NFRKB: variants seen among roughly 807,000 people sequenced by gnomAD.
NFRKB encodes the protein nuclear factor related to kappa-B-binding protein.
Under a neutral mutation model 135.7 loss-of-function variants are expected in NFRKB, and 62 were observed. The observed-to-expected ratio is 0.46, with a 90% CI of 0.37 to 0.56. The LOEUF (loss-of-function observed/expected upper bound fraction) is 0.56. Among genes scored for constraint, NFRKB ranks in the 20% least tolerant of loss-of-function variants. The pLI is 0.00. For missense variants in NFRKB, 1,545 were observed against 1,662.0 expected, an observed-to-expected ratio of 0.93 and a Z score of 1.22; for synonymous variants, 678 against 635.6, an observed-to-expected ratio of 1.07 and a Z score of -1.00.
chr11:129,891,418 T>C (rs151323161), intron 3 of NFRKB, among the ~76,000 whole-genome samples: 35 of 152,328 alleles, frequency 2.3e-4, no homozygotes, highest in Middle Eastern at 3.4e-3. Flanking sequence ...TCTGGACATT[T>C]ACTCATCTGA....
At position 129,892,845 on chromosome 11, in the gene NFRKB, T is replaced by A. The variant is rs1424031688; in HGVS notation, c.5A>T (p.Asp2Val). 6.2e-7 allele frequency: 1 copy of A among 1,614,166 alleles called. No individual in the cohort carries two copies. The highest frequency in any genetic ancestry group is 8.5e-7 in the Non-Finnish European group (1 of 1,180,034). ...ATCTGTCAGCATATGGTCTAAGGAATCCATTGTTTCTTCTCCACAGGTACT... is the reference window on the plus strand; with the variant it reads ...ATCTGTCAGCATATGGTCTAAGGAAACCATTGTTTCTTCTCCACAGGTACT... Reference protein sequence around the residue: MDSLDHMLTDPL... With the variant: MVSLDHMLTDPL... Residue 2 changes from aspartate (D) to valine (V), a missense_variant, in exon 3 of 27, where the codon GAT (aspartate) becomes GTT (valine). By Grantham distance (152) the Asp-to-Val change is radical (BLOSUM62 -3). Around this residue, in one of 3 missense-constraint regions of NFRKB, gnomAD observed 678 missense variants for 646.7 expected, o/e 1.05. Transcript: ENST00000682444.
intron 12 of NFRKB, 95 bp downstream of exon 12, chr11:129,881,632 C>A (rs997399459): frequency 1.3e-6 from 2 of 1,585,864 alleles, no homozygotes. Context: ...TATGCAAAGG[C>A]ATGATGGATT....
In NFRKB at chr11:129,888,601, A is replaced by C. The variant is rs751878478; in HGVS notation, c.330T>G (p.Leu110=). 11 of 1,614,042 alleles carry C rather than the reference A, an allele frequency of 6.8e-6. No individual in the cohort carries two copies. Among genetic ancestry groups the C allele is most frequent in the Admixed American group, 1.7e-5 (1 of 59,998 alleles). Residue 110 remains leucine (L), a synonymous_variant, in exon 4 of 27, where the codon CTT becomes CTG. Coordinates refer to ENST00000682444, the MANE Select transcript of NFRKB (RefSeq NM_001143835.2). The part of the protein sequence containing the change: ...FGNPLHIAQK[L]FRDGHFNPEV... The stretch of plus-strand genomic sequence containing the variant: ...GAATACTGAGCTACAAACCTCGGAA[A>C]AGCTTCTGGGCAATGTGCAGAGGGT...
Position 129,869,839 on chromosome 11 carries a change from T to C in NFRKB, c.3186A>G (p.Pro1062=). 6.2e-7 allele frequency: 1 copy of C among 1,614,242 alleles called. No homozygotes were observed. The highest frequency in any genetic ancestry group is 8.5e-7 in the Non-Finnish European group (1 of 1,180,054). The change falls in exon 24 of 27, where the codon CCA becomes CCG. Residue 1062 remains proline (P), a synonymous_variant. Transcript: ENST00000682444. ...EASSSAFRLM[P]ALGVSVADQK... Reference sequence around the variant, plus strand: ...GGTCAGCCACACTCACGCCAAGAGCTGGCATCAAGCGAAAAGCCGAACTTG... The same window carrying C: ...GGTCAGCCACACTCACGCCAAGAGCCGGCATCAAGCGAAAAGCCGAACTTG...
chr11:129,888,223 A>AAC (rs143981235), intron 4 of NFRKB: 160,154 of 519,586 alleles, frequency 0.31, 21,759 homozygotes, highest in Non-Finnish European at 0.36. Flanking sequence ...TGTGTACCTA[A>AAC]ACACACACAC....
Position 129,892,911 on chromosome 11 carries a change from T to G in NFRKB, c.-21-41A>C, listed in dbSNP as rs752543157. ...CATCTTGAGACAGAAAGGCAGAAAT[T>G]CCAGGGATCTAGTTGATGCTAACAC... On this transcript the variant is annotated intron_variant, in intron 2 of 26. Coordinates refer to ENST00000682444, the MANE Select transcript of NFRKB (RefSeq NM_001143835.2). 3.7e-6 allele frequency: 6 copies of G among 1,613,362 alleles called. No homozygotes were observed. In the South Asian group the frequency reaches 5.5e-5, roughly 15 times the overall value.
chr11:129,884,241 G>A (rs1722469306), intron 7 of NFRKB, 98 bp from the exon 8 acceptor site: 1 of 1,257,932 alleles, frequency 7.9e-7, no homozygotes. Context: ...TTTCCCTTCT[G>A]ACACCTGTGA....
intron 24 of NFRKB, among the ~76,000 whole-genome samples, chr11:129,867,613 G>A (rs1253927060): frequency 1.3e-5 from 2 of 152,176 alleles, no homozygotes; most frequent in Admixed American, 6.5e-5. Flanking sequence ...CACTGCGCCT[G>A]ACCAACTATT....
chr11:129,864,991 AGCT>A lies in NFRKB; in HGVS notation c.3746_3748del (p.Gln1249del). ...CTGTGTGGCCTGACCTTGCTGCTGA[AGCT>A]GCTGCAACTGCTGAGCAGTGAGGAA... On this transcript the variant is annotated inframe_deletion, in exon 26 of 27. Transcript: ENST00000682444. 6.2e-7 allele frequency: 1 copy of A among 1,613,378 alleles called. No individual in the cohort carries two copies. Among genetic ancestry groups the A allele is most frequent in the Non-Finnish European group, 8.5e-7 (1 of 1,179,878 alleles).
chr11:129,890,073 G>T (rs570141680), intron 3 of NFRKB, among the ~76,000 whole-genome samples: 6 of 146,390 alleles, frequency 4.1e-5, no homozygotes, highest in African/African-American at 1.5e-4. Context: ...TATTTGGCTA[G>T]ATCAAGGACA....
Position 129,869,604 on chromosome 11 carries a change from T to C in NFRKB, c.3421A>G (p.Thr1141Ala). 6.2e-7 allele frequency: 1 copy of C among 1,614,152 alleles called. No individual in the cohort carries two copies. Among genetic ancestry groups the C allele is most frequent in the Non-Finnish European group, 8.5e-7 (1 of 1,180,026 alleles). The change falls in exon 24 of 27, where the codon ACT becomes GCT. Residue 1141 changes from threonine (T) to alanine (A), a missense_variant. Physicochemically the swap from Thr to Ala is moderately conservative, Grantham distance 58. This residue lies in a region of NFRKB where 753 missense variants were observed against 804.3 expected (regional missense o/e 0.94). Coordinates refer to ENST00000682444, the MANE Select transcript of NFRKB (RefSeq NM_001143835.2). ...LPSMNAAVSK[T>A]VAVASGAAST... The stretch of plus-strand genomic sequence containing the variant: ...GCAGCCCCAGAAGCCACAGCTACAG[T>C]CTTGGACACAGCAGCATTCATACTG...
intron 23 of NFRKB, among the ~76,000 whole-genome samples, chr11:129,870,786 AC>A (rs2135639840): frequency 6.6e-6 from 1 of 151,676 alleles, no homozygotes; most frequent in African/African-American, 2.4e-5. Context: ...TTTTAACCTT[AC>A]TCAGGGACTT....
At chr11:129,891,245 T>A (rs1429574756) in intron 3 of NFRKB, among the ~76,000 whole-genome samples, 10 of 152,170 alleles carry the variant, frequency 6.6e-5, no homozygotes, top group Non-Finnish European at 2.9e-5. Context: ...GCCCACTGGT[T>A]GAAAATCAGA....
intron 3 of NFRKB, among the ~76,000 whole-genome samples, chr11:129,892,045 T>A (rs2135678589): frequency 6.6e-6 from 1 of 152,182 alleles, no homozygotes; most frequent in East Asian, 1.9e-4. Flanking sequence ...TTTCTTCCTT[T>A]TTTTTTTCTA....
At chr11:129,881,876 C>G in intron 11 of NFRKB, 23 bp from the exon 12 acceptor site, 1 of 1,575,810 alleles carries the variant, frequency 6.3e-7, no homozygotes, top group South Asian at 1.2e-5. Context: ...AAAGGCAGAA[C>G]CCAGTCAGAC....
chr11:129,869,090 G>A (rs895345670), intron 24 of NFRKB, among the ~76,000 whole-genome samples: 3 of 152,094 alleles, frequency 2.0e-5, no homozygotes, highest in Non-Finnish European at 4.4e-5. Context: ...TTTAAACTAC[G>A]TGTACATGTA....
chr11:129,888,302 T>C (rs1296599118), intron 4 of NFRKB: 2 of 602,718 alleles, frequency 3.3e-6, no homozygotes, highest in Non-Finnish European at 2.9e-6. Context: ...AGACCAGACA[T>C]GAAGGGCACC....
chr11:129,873,239 A>G (rs1460149225), intron 22 of NFRKB, 143 bp from the exon 23 acceptor site: 1 of 648,352 alleles, frequency 1.5e-6, no homozygotes, highest in Admixed American at 3.3e-5. Flanking sequence ...ACCACTCTCT[A>G]AAATGGACAC....
chr11:129,885,722 C>A, intron 5 of NFRKB, 113 bp from the exon 6 acceptor site: 1 of 923,014 alleles, frequency 1.1e-6, no homozygotes, highest in South Asian at 2.0e-5. Context: ...AACTCCCTCC[C>A]TCCAGATCAC....
Sources: allele counts gnomAD v4.1 joint callset (sites outside exome capture counted in the v4.1 genomes callset), GRCh38; gene constraint gnomAD v4.1.1; regional missense constraint gnomAD v4.1.1; transcripts MANE v1.5; gene names NCBI Gene and HGNC (gene_info 2026-07-23, HGNC 2026-07-21).